Variants in MED12L observed in about 807,000 individuals in gnomAD.
The protein encoded by MED12L is mediator complex subunit 12L, also known as mediator of RNA polymerase II transcription subunit 12-like protein.
Under a neutral mutation model 281.3 loss-of-function variants are expected in MED12L, and 60 were observed. The ratio of observed to expected loss-of-function variants is 0.21; its 90% CI spans 0.17 to 0.26. The LOEUF (loss-of-function observed/expected upper bound fraction) is 0.26, where lower values mean the gene tolerates loss of function less well. MED12L is among the 10% of genes least tolerant of loss of function. MED12L has a pLI of 1.00. For synonymous variants in MED12L, 974 were observed against 987.2 expected (o/e 0.99, Z 0.25); for missense variants, 2,146 against 2,680.9 (o/e 0.80, Z 4.41).
At chr3:151,332,450 A>C (rs1057295059) in intron 16 of MED12L, among the ~76,000 whole-genome samples, 1 of 152,234 alleles carries the variant, frequency 6.6e-6, no homozygotes, top group Non-Finnish European at 1.5e-5. Context: ...TAAAAGTGGT[A>C]ATAATAAGCT....
chr3:151,195,149 G>T (rs73019085), intron 16 of MED12L, among the ~76,000 whole-genome samples: 11,148 of 152,072 alleles, frequency 0.073, 936 homozygotes, highest in African/African-American at 0.2. Context: ...GGCGACAGAG[G>T]GAGACTCTGT....
intron 16 of MED12L, among the ~76,000 whole-genome samples, chr3:151,333,043 A>C (rs776549048): frequency 1.3e-5 from 2 of 152,206 alleles, no homozygotes; most frequent in African/African-American, 2.4e-5. Flanking sequence ...AATGGCCTCC[A>C]GCTTCATCCA....
At chr3:151,394,413 T>G (rs766905722) in intron 38 of MED12L, among the ~76,000 whole-genome samples, 10 of 152,244 alleles carry the variant, frequency 6.6e-5, no homozygotes, top group Non-Finnish European at 1.3e-4. Flanking sequence ...ACATTTCAAT[T>G]TATGAACTGA....
intron 16 of MED12L, among the ~76,000 whole-genome samples, chr3:151,223,977 G>C (rs58628304): frequency 0.017 from 2,643 of 152,304 alleles, 68 homozygotes; most frequent in African/African-American, 0.06. Context: ...GGACTTTGCT[G>C]TATCTGTGAT....
intron 21 of MED12L, among the ~76,000 whole-genome samples, chr3:151,363,638 A>G (rs1470236783): frequency 6.6e-6 from 1 of 152,208 alleles, no homozygotes; most frequent in East Asian, 1.9e-4. Flanking sequence ...AGTTGTCTAC[A>G]CAGAAAGAGA....
rs767239907 is a variant in MED12L at position 151,382,761 on chromosome 3, A to G, written c.4680+16A>G. ...CCTAAATTTGGTAAGTGACATTTCT[A>G]GTATTTTCCCTCCATTAAACATATT... On this transcript the variant is annotated intron_variant, in intron 33 of 44. Transcript: ENST00000687756. The G allele has an allele frequency of 5.7e-6, 9 of 1,592,622 alleles. No homozygotes were observed. The African/African-American group carries it at 1.2e-4, about 21-fold the overall frequency.
chr3:151,434,035 A>T lies in MED12L; in HGVS notation c.*1231A>T, dbSNP rs1340418443. On this transcript the variant is annotated 3_prime_UTR_variant, in exon 45 of 45. Coordinates refer to ENST00000687756, the MANE Select transcript of MED12L (RefSeq NM_001393769.1). The stretch of plus-strand genomic sequence containing the variant: ...GTGTAACTTAAGAGTATTCTATATA[A>T]TATTTTTTTAGATTTAGATGCATAA... The T allele has an allele frequency of 1.3e-5, 2 of 152,590 alleles. No homozygotes were observed. The highest frequency in any genetic ancestry group is 3.8e-4 in the East Asian group (2 of 5,202). 9.5% of individuals were successfully genotyped at this position (152,590 alleles called of 1,614,324 possible).
intron 39 of MED12L, among the ~76,000 whole-genome samples, chr3:151,403,026 CTTTTTTTTTTT>C (rs1438452044): frequency 6.9e-6 from 1 of 145,434 alleles, no homozygotes; most frequent in Non-Finnish European, 1.5e-5. Flanking sequence ...TTTCTTTTTT[CTTTTTTTTTTT>C]AATAAATTTT....
chr3:151,246,505 A>G (rs1299181751), intron 16 of MED12L, among the ~76,000 whole-genome samples: 1 of 152,198 alleles, frequency 6.6e-6, no homozygotes, highest in Non-Finnish European at 1.5e-5. Context: ...AACCTGAGAA[A>G]AACAAGCAAT....
intron 5 of MED12L, among the ~76,000 whole-genome samples, chr3:151,151,818 A>G (rs1174585192): frequency 6.6e-6 from 1 of 152,214 alleles, no homozygotes; most frequent in Admixed American, 6.5e-5. Flanking sequence ...ACACAGAGTC[A>G]TGATGTGAAC....
intron 43 of MED12L, among the ~76,000 whole-genome samples, chr3:151,426,638 T>C (rs773760502): frequency 6.6e-6 from 1 of 152,196 alleles, no homozygotes; most frequent in Non-Finnish European, 1.5e-5. Context: ...TCACAGATTA[T>C]TGCAGACCCA....
intron 16 of MED12L, chr3:151,269,984 T>G (rs543630592): frequency 3.4e-6 from 1 of 295,116 alleles, no homozygotes; most frequent in African/African-American, 2.3e-5. Context: ...CTACTTGGTT[T>G]TCAATATGGA....
intron 38 of MED12L, among the ~76,000 whole-genome samples, chr3:151,392,326 CA>C (rs1384465043): frequency 6.6e-6 from 1 of 151,564 alleles, no homozygotes; most frequent in African/African-American, 2.4e-5. Flanking sequence ...CAAAATTAGC[CA>C]GGCATGGTGG....
intron 16 of MED12L, among the ~76,000 whole-genome samples, chr3:151,297,196 C>T (rs1745217140): frequency 6.6e-6 from 1 of 152,274 alleles, no homozygotes; most frequent in Middle Eastern, 3.4e-3. Context: ...ATCACTGCTG[C>T]CAGTTTGTAA....
chr3:151,229,349 T>A (rs1442710594), intron 16 of MED12L, among the ~76,000 whole-genome samples: 1 of 145,686 alleles, frequency 6.9e-6, no homozygotes, highest in Non-Finnish European at 1.5e-5. Context: ...GCTCTGTTGC[T>A]CAGGCTGGAG....
intron 2 of MED12L, among the ~76,000 whole-genome samples, chr3:151,109,043 G>A (rs1711500276): frequency 6.6e-6 from 1 of 151,404 alleles, no homozygotes; most frequent in Non-Finnish European, 1.5e-5. Flanking sequence ...GAGGTTACCC[G>A]AAGTATCGAA....
rs747542501 is a variant in MED12L, at chr3:151,382,630, ATGGGGAGTT to A, written c.4591-24_4591-16del. On this transcript the variant is annotated splice_polypyrimidine_tract_variant and intron_variant, in intron 32 of 44. Transcript: ENST00000687756. ...TAAATGAGAGAAAAATTAAACTTTA[ATGGGGAGTT>A]TTTTTCCGGATCTTAGATTTTAAGT... is the stretch of plus-strand genomic sequence containing the variant. 1 of 1,561,176 alleles carries A rather than the reference ATGGGGAGTT, an allele frequency of 6.4e-7. No individual in the cohort carries two copies. Among genetic ancestry groups the A allele is most frequent in the South Asian group, 1.2e-5 (1 of 86,416 alleles).
intron 6 of MED12L, among the ~76,000 whole-genome samples, chr3:151,156,620 GC>G (rs1393953906): frequency 6.6e-6 from 1 of 152,048 alleles, no homozygotes; most frequent in African/African-American, 2.4e-5. Flanking sequence ...CTTTTATTTT[GC>G]AAAATTGGAT....
intron 2 of MED12L, among the ~76,000 whole-genome samples, chr3:151,100,702 T>C (rs1721283486): frequency 1.3e-5 from 2 of 152,184 alleles, no homozygotes; most frequent in South Asian, 4.1e-4. Flanking sequence ...TCAGACTAAA[T>C]GTAAACTCCC....
Sources: allele counts gnomAD v4.1 joint callset (sites outside exome capture counted in the v4.1 genomes callset), GRCh38; gene constraint gnomAD v4.1.1; transcripts MANE v1.5; gene names NCBI Gene and HGNC (gene_info 2026-07-23, HGNC 2026-07-21).